Variants in DOK7 observed in about 807,000 individuals in gnomAD.
DOK7 encodes the protein protein Dok-7.
In DOK7, 32 loss-of-function variants were observed where a neutral mutation model predicts 30.7. The ratio of observed to expected loss-of-function variants is 1.04; its 90% CI spans 0.79 to 1.40. The LOEUF (loss-of-function observed/expected upper bound fraction) is 1.40, where lower values mean the gene tolerates loss of function less well. Among genes scored for constraint, DOK7 ranks in the 40% most tolerant of loss-of-function variants. The pLI is 0.00. For synonymous variants in DOK7, 447 were observed against 324.1 expected, an observed-to-expected ratio of 1.38 and a Z score of -4.07; for missense variants, 1,007 against 699.2, an observed-to-expected ratio of 1.44 and a Z score of -4.97.
At chr4:3,499,040 G>A (rs1259451095), downstream of DOK7, among the ~76,000 whole-genome samples, 1 of 152,238 alleles carries the variant, frequency 6.6e-6, no homozygotes, top group Non-Finnish European at 1.5e-5. Context: ...CTGCTGCAGG[G>A]AGTGACGGGG....
chr4:3,466,810 C>T (rs1726314486), intron 2 of DOK7, among the ~76,000 whole-genome samples: 1 of 152,210 alleles, frequency 6.6e-6, no homozygotes, highest in Non-Finnish European at 1.5e-5. Context: ...TCCTGGGCTG[C>T]CCTTGGTGAT....
At chr4:3,500,306 G>C (rs373576776) in exon 7 of DOK7, 7 of 1,535,852 alleles carry the variant, frequency 4.6e-6, no homozygotes, top group African/African-American at 1.4e-5. Flanking sequence ...CGCGCGGCGA[G>C]TCGCCCACTT....
downstream of DOK7, among the ~76,000 whole-genome samples, chr4:3,497,612 A>G (rs2858032): frequency 0.7 from 106,091 of 151,912 alleles, 37,545 homozygotes; most frequent in East Asian, 0.93. Context: ...ACTGCGGGCT[A>G]AACCTTGGAT....
At chr4:3,491,468 C>T (rs61409661) in intron 6 of DOK7, among the ~76,000 whole-genome samples, 1 of 148,338 alleles carries the variant, frequency 6.7e-6, no homozygotes, top group African/African-American at 2.5e-5. Flanking sequence ...CTCAATTTCT[C>T]TCTCACTCAT....
intron 6 of DOK7, among the ~76,000 whole-genome samples, chr4:3,491,350 C>T (rs1728417335): frequency 1.9e-5 from 1 of 52,688 alleles, no homozygotes; most frequent in East Asian, 2.3e-3. Flanking sequence ...TCTTCGCCTG[C>T]TTGTTCCTTC....
downstream of DOK7, among the ~76,000 whole-genome samples, chr4:3,497,431 G>A (rs182042416): frequency 1.6e-4 from 24 of 152,136 alleles, no homozygotes; most frequent in African/African-American, 5.8e-4. Flanking sequence ...GGGAGGCAGT[G>A]GGAAGGTACG....
rs146256082 is a variant in DOK7 at position 3,477,514 on chromosome 4, C to T, written c.532+972C>T. On this transcript the variant is annotated intron_variant, in intron 4 of 6. Transcript: ENST00000340083. ...CGGGCGCAAGCCCATCTGGGTGCCACGTTCTGCCACCTTCTGCGCTGGGCG... is the reference window on the plus strand; with the variant it reads ...CGGGCGCAAGCCCATCTGGGTGCCATGTTCTGCCACCTTCTGCGCTGGGCG... Among the ~76,000 whole-genome samples, 335 of 152,402 alleles carry T rather than the reference C, an allele frequency of 2.2e-3. 3 individuals carry two copies. Among genetic ancestry groups the T allele is most frequent in the African/African-American group, 7.1e-3 (295 of 41,602 alleles).
In DOK7 at chr4:3,491,343, T is replaced by C. The variant is rs200309855; in HGVS notation, c.773-1416T>C. Among the ~76,000 whole-genome samples, 86 of 37,406 alleles carry C rather than the reference T, an allele frequency of 2.3e-3. 1 individual carries two copies. Among genetic ancestry groups the C allele is most frequent in the African/African-American group, 5.2e-3 (68 of 13,088 alleles). The allele number at this position is 37,406 out of a possible 152,430, so 24.5% of individuals were successfully genotyped here. A position where few individuals can be genotyped will look rare whatever the true frequency, so the allele number is the denominator to read the frequency against. On this transcript the variant is annotated intron_variant, in intron 6 of 6. Coordinates refer to ENST00000340083, the MANE Select transcript of DOK7 (RefSeq NM_173660.5). Reference sequence around the variant, plus strand: ...CCCTGCTCATTCATTCCTTCCTTCTTCGCCTGCTTGTTCCTTCCTTCCTCT... The same window carrying C: ...CCCTGCTCATTCATTCCTTCCTTCTCCGCCTGCTTGTTCCTTCCTTCCTCT...
intron 7 of DOK7, chr4:3,500,523 C>G: frequency 1.4e-6 from 2 of 1,467,824 alleles, no homozygotes; most frequent in African/African-American, 2.8e-5. Flanking sequence ...TACAGCCTCC[C>G]CCCAGGAGGC....
intron 2 of DOK7, among the ~76,000 whole-genome samples, chr4:3,470,312 G>A (rs1329698052): frequency 6.6e-6 from 1 of 152,218 alleles, no homozygotes; most frequent in Non-Finnish European, 1.5e-5. Context: ...CAGAAACCCT[G>A]TTCCCAAATA....
intron 2 of DOK7, among the ~76,000 whole-genome samples, chr4:3,468,688 G>A (rs991873297): frequency 3.0e-4 from 44 of 147,902 alleles, no homozygotes; most frequent in African/African-American, 1.0e-3. Flanking sequence ...GCCTGTGTGT[G>A]CATGTATGTC....
chr4:3,463,609 C>T (rs1003780254), intron 2 of DOK7, 58 bp downstream of exon 2: 10 of 1,517,386 alleles, frequency 6.6e-6, no homozygotes, highest in African/African-American at 1.4e-5. Context: ...GTTACCGAGG[C>T]CCGGGGCAGT....
At chr4:3,491,709 C>T (rs1216065620) in intron 6 of DOK7, among the ~76,000 whole-genome samples, 2 of 152,372 alleles carry the variant, frequency 1.3e-5, no homozygotes, top group South Asian at 2.1e-4. Context: ...GTTTTACCTT[C>T]TGTGCCCAGA....
At chr4:3,500,938 G>T in exon 8 of DOK7, 2 of 1,405,976 alleles carry the variant, frequency 1.4e-6, no homozygotes, top group East Asian at 2.5e-5. Context: ...GCTCCCAGTC[G>T]CAGGAGCAGG....
downstream of DOK7, among the ~76,000 whole-genome samples, chr4:3,496,488 A>C (rs891958956): frequency 1.2e-4 from 19 of 152,232 alleles, no homozygotes; most frequent in African/African-American, 4.1e-4. Flanking sequence ...ATAAAGCTCT[A>C]ATAGCAAAAT....
intron 6 of DOK7, among the ~76,000 whole-genome samples, chr4:3,490,651 CT>C (rs1728287942): frequency 5.9e-5 from 7 of 118,052 alleles, no homozygotes; most frequent in Admixed American, 1.7e-4. Flanking sequence ...GTTCATTTCC[CT>C]CCTGCTCATT....
chr4:3,485,897 C>G (rs912039641), intron 5 of DOK7, among the ~76,000 whole-genome samples: 2 of 152,236 alleles, frequency 1.3e-5, no homozygotes, highest in African/African-American at 4.8e-5. Flanking sequence ...CTCGGGGGTC[C>G]GAGCTGTTGG....
rs565652590 is a variant in DOK7, at chr4:3,500,159, C to A, written c.1109-92C>A. 4.9e-6 allele frequency: 7 copies of A among 1,432,846 alleles called. No homozygotes were observed. The South Asian group carries it at 6.7e-5, about 14-fold the overall frequency. 88.8% of individuals were successfully genotyped at this position (1,432,846 alleles called of 1,614,324 possible). A position where few individuals can be genotyped will look rare whatever the true frequency, so the allele number is the denominator to read the frequency against. On this transcript the variant is annotated intron_variant, in intron 6 of 7. Coordinates refer to the DOK7 transcript ENST00000643608. Reference sequence around the variant, plus strand: ...GGAGAGGCGGAGTGGGGAGGAGGGGCTAGGCAGGGTGGGCAGCTCTTTACT... The same window carrying A: ...GGAGAGGCGGAGTGGGGAGGAGGGGATAGGCAGGGTGGGCAGCTCTTTACT...
intron 7 of DOK7, chr4:3,500,423 G>A (rs1729134338): frequency 2.0e-6 from 3 of 1,535,010 alleles, no homozygotes; most frequent in Non-Finnish European, 2.6e-6. Context: ...CGCCCTGCGT[G>A]GAGGCACTGA....
Sources: gnomAD v4.1 joint callset for allele counts (sites outside exome capture counted in the v4.1 genomes callset) on GRCh38, gnomAD v4.1.1 for gene constraint, MANE v1.5 for transcripts, NCBI Gene and HGNC (gene_info 2026-07-23, HGNC 2026-07-21) for gene names.